The following MTCL3 variants were observed in gnomAD, a reference collection of about 807,000 sequenced individuals.
MTCL3 encodes the protein MTCL family member 3.
chr6:127,501,530 C>T, the MTCL3 span, among the ~76,000 whole-genome samples: 1 of 152,154 alleles, frequency 6.6e-6, no homozygotes, highest in African/African-American at 2.4e-5. Context: ...TGGTAAGAAA[C>T]TGTTACTTTG....
At chr6:127,475,769 C>A in the MTCL3 span, 1 of 1,607,532 alleles carries the variant, frequency 6.2e-7, no homozygotes, top group South Asian at 1.1e-5. This position sits in a 1 kb window ranked among gnomAD's most constrained non-coding sequence, Gnocchi z 7.3. Context: ...TCGCTCTCGG[C>A]GTCGCTGTCG....
the MTCL3 span, among the ~76,000 whole-genome samples, chr6:127,473,745 G>A: frequency 6.6e-6 from 1 of 152,200 alleles, no homozygotes; most frequent in African/African-American, 2.4e-5. Context: ...GCTTCTGTAC[G>A]TAAACTGGCT....
At chr6:127,515,938 GT>G in the MTCL3 span, 1 of 1,609,196 alleles carries the variant, frequency 6.2e-7, no homozygotes. The surrounding 1 kb of genome is among the most constrained non-coding windows in gnomAD (Gnocchi z 4.3). Context: ...GGTTCCTGGG[GT>G]TTTGCCCGCA....
the MTCL3 span, chr6:127,515,037 T>C: frequency 1.9e-6 from 3 of 1,613,906 alleles, no homozygotes; most frequent in Non-Finnish European, 2.5e-6. This position sits in a 1 kb window ranked among gnomAD's most constrained non-coding sequence, Gnocchi z 4.3. Flanking sequence ...TCTCAGCTCA[T>C]CGATCTCGTT....
At chr6:127,502,447 T>C in the MTCL3 span, among the ~76,000 whole-genome samples, 1 of 152,138 alleles carries the variant, frequency 6.6e-6, no homozygotes, top group African/African-American at 2.4e-5. Flanking sequence ...AGCTAGTGGA[T>C]CCTGAAGCAG....
chr6:127,475,284 G>T, the MTCL3 span: 2 of 1,593,892 alleles, frequency 1.3e-6, no homozygotes, highest in Non-Finnish European at 1.7e-6. The surrounding 1 kb of genome is among the most constrained non-coding windows in gnomAD (Gnocchi z 7.3). Context: ...GCAATAGGCA[G>T]AACTGTACCT....
the MTCL3 span, among the ~76,000 whole-genome samples, chr6:127,511,679 G>A: frequency 6.6e-6 from 1 of 152,088 alleles, no homozygotes; most frequent in Non-Finnish European, 1.5e-5. Flanking sequence ...GCGACTCCTA[G>A]CTAGTAGCCA....
chr6:127,515,797 G>C, the MTCL3 span: 3 of 1,608,148 alleles, frequency 1.9e-6, no homozygotes, highest in Non-Finnish European at 2.5e-6. This position sits in a 1 kb window ranked among gnomAD's most constrained non-coding sequence, Gnocchi z 4.3. Context: ...AGCCGCGGCC[G>C]CCGCCGCTGC....
At chr6:127,509,677 C>T in the MTCL3 span, among the ~76,000 whole-genome samples, 1 of 152,148 alleles carries the variant, frequency 6.6e-6, no homozygotes, top group Non-Finnish European at 1.5e-5. Context: ...ACCAAATTAA[C>T]CAAGTTGGTT....
chr6:127,500,863 G>T, the MTCL3 span, among the ~76,000 whole-genome samples: 1 of 152,114 alleles, frequency 6.6e-6, no homozygotes, highest in Non-Finnish European at 1.5e-5. Context: ...CCAGGCTGGA[G>T]TGCAGTGGTG....
the MTCL3 span, among the ~76,000 whole-genome samples, chr6:127,485,582 A>G: frequency 7.0e-3 from 1,067 of 152,280 alleles, 6 homozygotes; most frequent in Middle Eastern, 0.027. Context: ...AAGATGTTAC[A>G]TGCAGGGGTT....
the MTCL3 span, chr6:127,475,247 G>T: frequency 2.0e-5 from 31 of 1,530,304 alleles, no homozygotes; most frequent in Non-Finnish European, 2.6e-5. The surrounding 1 kb of genome is among the most constrained non-coding windows in gnomAD (Gnocchi z 7.3). Flanking sequence ...GCGGCTCCAC[G>T]GGCCAGCCTG....
chr6:127,479,108 A>G, the MTCL3 span, among the ~76,000 whole-genome samples: 1 of 152,104 alleles, frequency 6.6e-6, no homozygotes, highest in Non-Finnish European at 1.5e-5. Context: ...ATGTAGGCCA[A>G]TAATTAGAAA....
the MTCL3 span, among the ~76,000 whole-genome samples, chr6:127,478,911 G>A: frequency 6.6e-6 from 1 of 151,668 alleles, no homozygotes; most frequent in Non-Finnish European, 1.5e-5. Flanking sequence ...CAGCTGCTCG[G>A]GAGGCTGAGG....
chr6:127,476,801 C>T, the MTCL3 span, among the ~76,000 whole-genome samples: 1 of 152,270 alleles, frequency 6.6e-6, no homozygotes, highest in Middle Eastern at 3.4e-3. The surrounding 1 kb of genome is among the most constrained non-coding windows in gnomAD (Gnocchi z 4.4). Context: ...TTCATTATTG[C>T]AGTAATAAAT....
the MTCL3 span, among the ~76,000 whole-genome samples, chr6:127,489,257 T>C: frequency 2.6e-5 from 4 of 152,188 alleles, no homozygotes. Context: ...TTAAATGTGG[T>C]GTGTGTTCTA....
the MTCL3 span, chr6:127,481,499 C>A: frequency 1.0e-6 from 1 of 984,334 alleles, no homozygotes; most frequent in Non-Finnish European, 1.2e-6. Flanking sequence ...AGAGCAGGAA[C>A]AGAGCAGGTA....
At chr6:127,475,814 G>C in the MTCL3 span, 1 of 1,612,880 alleles carries the variant, frequency 6.2e-7, no homozygotes, top group South Asian at 1.1e-5. This position sits in a 1 kb window ranked among gnomAD's most constrained non-coding sequence, Gnocchi z 7.3. Flanking sequence ...TGCGAGGCCA[G>C]GTCGTAGCGC....
the MTCL3 span, chr6:127,516,679 C>A: frequency 6.6e-7 from 1 of 1,521,894 alleles, no homozygotes; most frequent in Non-Finnish European, 8.8e-7. Context: ...TCCCTCTTCA[C>A]CGCCGCCAAC....
Sources: gnomAD v4.1 joint callset for allele counts (sites outside exome capture counted in the v4.1 genomes callset) on GRCh38, gnomAD v4.1.1 for gene constraint, Gnocchi (gnomAD v3.1) non-coding constraint, MANE v1.5 for transcripts, NCBI Gene and HGNC (gene_info 2026-07-23, HGNC 2026-07-21) for gene names.